The following ALDH1L1 variants were observed in gnomAD, a reference collection of about 807,000 sequenced individuals.
ALDH1L1 encodes cytosolic 10-formyltetrahydrofolate dehydrogenase.
ALDH1L1 carries 68 observed loss-of-function variants against 101.1 expected under a neutral mutation model. The ratio of observed to expected loss-of-function variants is 0.67; its 90% CI spans 0.55 to 0.82. The LOEUF is 0.82. Among genes scored for constraint, ALDH1L1 ranks in the 40% least tolerant of loss-of-function variants. The probability of loss-of-function intolerance (pLI) is 0.00; values close to 1 mark genes in which losing one functional copy is unlikely to be tolerated. For missense variants in ALDH1L1, 1,087 were observed against 1,172.7 expected (o/e 0.93, Z 1.07); for synonymous variants, 486 against 470.8 (o/e 1.03, Z -0.42).
At chr3:126,161,027 TAGAC>T (rs1559965646) in intron 1 of ALDH1L1, 25 bp from the exon 2 acceptor site, 2 of 1,611,834 alleles carry the variant, frequency 1.2e-6, no homozygotes, top group African/African-American at 2.7e-5. Flanking sequence ...AGGCAGCAAT[TAGAC>T]AGAGATCGCT....
intron 1 of ALDH1L1, among the ~76,000 whole-genome samples, chr3:126,172,980 T>C (rs1229964004): frequency 6.6e-6 from 1 of 152,112 alleles, no homozygotes; most frequent in African/African-American, 2.4e-5. Flanking sequence ...TCCATCAACT[T>C]AGAACTAACT....
intron 1 of ALDH1L1, among the ~76,000 whole-genome samples, chr3:126,189,643 T>G (rs562199955): frequency 5.9e-5 from 9 of 152,336 alleles, no homozygotes; most frequent in African/African-American, 2.2e-4. Context: ...GGGACTTGAT[T>G]GTTCTCAGCT....
Position 126,130,212 on chromosome 3 carries a change from C to A in ALDH1L1, c.1694+11G>T. On this transcript the variant is annotated intron_variant, in intron 14 of 22. Coordinates refer to ENST00000393434, the MANE Select transcript of ALDH1L1 (RefSeq NM_012190.4). The stretch of plus-strand genomic sequence containing the variant: ...CCGCGAGGCTGCACCTCGCCCTGGG[C>A]AGGAACTCACCCAACAGGCTCCTTC... 1 of 1,602,012 alleles carries A rather than the reference C, an allele frequency of 6.2e-7. No individual in the cohort carries two copies. Among genetic ancestry groups the A allele is most frequent in the Non-Finnish European group, 8.5e-7 (1 of 1,174,290 alleles).
chr3:126,163,355 G>T (rs908763828), intron 1 of ALDH1L1, among the ~76,000 whole-genome samples: 1 of 150,734 alleles, frequency 6.6e-6, no homozygotes, highest in African/African-American at 2.4e-5. Flanking sequence ...TAGATTCTTT[G>T]TGGTTTTCTA....
At position 126,157,424 on chromosome 3, in the gene ALDH1L1, C is replaced by T. The variant is rs770897313; in HGVS notation, c.447G>A (p.Gln149=). Residue 149 remains glutamine (Q), a synonymous_variant, in exon 4 of 23, where the codon CAG becomes CAA. Coordinates refer to ENST00000393434, the MANE Select transcript of ALDH1L1 (RefSeq NM_012190.4). ...DGLDTGDLLL[Q]KECEVLPDDT... ...CGTCCGGGAGCACCTCACACTCCTT[C>T]TGCAGCAGCAGGTCTCCGGTGTCCA... is the stretch of plus-strand genomic sequence containing the variant. 1.2e-5 allele frequency: 20 copies of T among 1,614,060 alleles called. No individual in the cohort carries two copies. Among genetic ancestry groups the T allele is most frequent in the Middle Eastern group, 1.6e-4 (1 of 6,084 alleles).
intron 16 of ALDH1L1, among the ~76,000 whole-genome samples, chr3:126,119,621 C>A (rs916169504): frequency 6.6e-6 from 1 of 152,040 alleles, no homozygotes; most frequent in Non-Finnish European, 1.5e-5. Context: ...ACCCTTGTAT[C>A]CTCCCTCTAT....
At chr3:126,131,616 G>C (rs2080309553) in intron 12 of ALDH1L1, 82 bp from the exon 13 acceptor site, 1 of 1,474,900 alleles carries the variant, frequency 6.8e-7, no homozygotes, top group Non-Finnish European at 9.1e-7. Flanking sequence ...TCTTCAAGGA[G>C]CTGGGGTCCT....
intron 16 of ALDH1L1, 28 bp from the exon 17 acceptor site, chr3:126,118,126 G>A: frequency 6.3e-7 from 1 of 1,581,460 alleles, no homozygotes; most frequent in Non-Finnish European, 8.7e-7. Flanking sequence ...GGGGGAATCA[G>A]AGTGGTCCCC....
rs145803257 is a variant in ALDH1L1, at chr3:126,131,923, C to T, written c.1473-389G>A. Among the ~76,000 whole-genome samples, 289 of 152,352 alleles carry T rather than the reference C, an allele frequency of 1.9e-3. 2 individuals carry two copies. The highest frequency in any genetic ancestry group is 6.7e-3 in the African/African-American group (278 of 41,586). Reference sequence around the variant, plus strand: ...GGAAAGCTTGAACCAGGAGAAAGTCCATCTGTCTTTCCAGCACCAATAAAC... The same window carrying T: ...GGAAAGCTTGAACCAGGAGAAAGTCTATCTGTCTTTCCAGCACCAATAAAC... On this transcript the variant is annotated intron_variant, in intron 12 of 22. Coordinates refer to ENST00000393434, the MANE Select transcript of ALDH1L1 (RefSeq NM_012190.4).
intron 6 of ALDH1L1, 74 bp downstream of exon 6, chr3:126,154,480 A>T: frequency 1.4e-6 from 2 of 1,448,218 alleles, no homozygotes; most frequent in African/African-American, 2.8e-5. Context: ...ACCAGTTCAA[A>T]CATGTGTGAC....
intron 9 of ALDH1L1, among the ~76,000 whole-genome samples, chr3:126,140,767 AC>A (rs1451376885): frequency 2.6e-5 from 4 of 152,050 alleles, no homozygotes; most frequent in African/African-American, 9.7e-5. Context: ...CTAAGTAACA[AC>A]CCAGAAATAA....
intron 1 of ALDH1L1, among the ~76,000 whole-genome samples, chr3:126,170,986 A>C (rs2081262586): frequency 6.6e-6 from 1 of 152,002 alleles, no homozygotes; most frequent in Admixed American, 6.5e-5. Flanking sequence ...CTTCAGGGGC[A>C]CTAAGACAGG....
chr3:126,180,598 C>T, upstream of ALDH1L1: 8 of 1,204,560 alleles, frequency 6.6e-6, no homozygotes, highest in East Asian at 8.6e-5. Context: ...CCCGCCAGTC[C>T]GCGAGCTCTG....
At chr3:126,181,116 C>G, upstream of ALDH1L1, 1 of 991,656 alleles carries the variant, frequency 1.0e-6, no homozygotes, top group Admixed American at 2.0e-5. Flanking sequence ...GAGAGAAAAA[C>G]AGCCCCTGGT....
chr3:126,133,883 C>A (rs1485435717), intron 12 of ALDH1L1, among the ~76,000 whole-genome samples: 1 of 152,222 alleles, frequency 6.6e-6, no homozygotes, highest in Non-Finnish European at 1.5e-5. Flanking sequence ...CGGTCTTTCC[C>A]AGGAGCTCCT....
At chr3:126,141,637 GA>G (rs2080570301) in intron 9 of ALDH1L1, among the ~76,000 whole-genome samples, 1 of 152,000 alleles carries the variant, frequency 6.6e-6, no homozygotes, top group Admixed American at 6.6e-5. Context: ...CGAGAAACTA[GA>G]AAATACCTTT....
At chr3:126,156,614 G>A (rs572180005) in intron 4 of ALDH1L1, 1 of 152,490 alleles carries the variant, frequency 6.6e-6, no homozygotes, top group East Asian at 1.9e-4. Context: ...GCAGCTGTGG[G>A]CTCCGGCCCA....
chr3:126,178,782 G>A (rs768186659), intron 1 of ALDH1L1, among the ~76,000 whole-genome samples: 6 of 152,094 alleles, frequency 3.9e-5, no homozygotes, highest in Non-Finnish European at 7.4e-5. Flanking sequence ...GTGTGCATGC[G>A]TGTGTTTATC....
At chr3:126,169,930 A>C (rs1382242443) in intron 1 of ALDH1L1, among the ~76,000 whole-genome samples, 1 of 152,312 alleles carries the variant, frequency 6.6e-6, no homozygotes, top group African/African-American at 2.4e-5. Context: ...AACATTTTTC[A>C]ATTTTTATTA....
Sources: gnomAD v4.1 joint callset for allele counts (sites outside exome capture counted in the v4.1 genomes callset) on GRCh38, gnomAD v4.1.1 for gene constraint, MANE v1.5 for transcripts, NCBI Gene and HGNC (gene_info 2026-07-23, HGNC 2026-07-21) for gene names.